NAV2: variants seen among roughly 807,000 people sequenced by gnomAD.
NAV2 encodes helicase, APC down-regulated 1.
A neutral mutation model predicts 223.2 loss-of-function variants in NAV2; 54 were observed. The ratio of observed to expected loss-of-function variants is 0.24; its 90% CI spans 0.19 to 0.30. The LOEUF (loss-of-function observed/expected upper bound fraction) is 0.30. NAV2 is among the 10% of genes least tolerant of loss of function. The pLI is 1.00. For synonymous variants in NAV2, 1,279 were observed against 1,239.3 expected, an observed-to-expected ratio of 1.03 and a Z score of -0.67; for missense variants, 2,806 against 3,147.5, an observed-to-expected ratio of 0.89 and a Z score of 2.60.
intron 33 of NAV2, 42 bp from the exon 34 acceptor site, chr11:20,103,611 G>A: frequency 1.9e-6 from 3 of 1,602,242 alleles, no homozygotes; most frequent in Non-Finnish European, 2.6e-6. Context: ...TCTCTAGCTT[G>A]GCTTGGAATC....
intron 1 of NAV2, among the ~76,000 whole-genome samples, chr11:19,582,879 T>A (rs943090778): frequency 1.3e-5 from 2 of 152,226 alleles, no homozygotes; most frequent in African/African-American, 4.8e-5. Flanking sequence ...TGGTTCCATA[T>A]GAACTTTAAA....
chr11:19,678,362 C>T (rs1232549563), intron 1 of NAV2, among the ~76,000 whole-genome samples: 1 of 152,134 alleles, frequency 6.6e-6, no homozygotes, highest in Non-Finnish European at 1.5e-5. Context: ...AGTGGTGGGA[C>T]CAGAATAGGA....
chr11:19,924,044 T>G (rs1346894154), intron 6 of NAV2, among the ~76,000 whole-genome samples: 2 of 152,124 alleles, frequency 1.3e-5, no homozygotes, highest in African/African-American at 4.8e-5. Context: ...ATTTTTAAAA[T>G]TTGTGTAGAA....
At chr11:20,016,590 A>G (rs4757024) in intron 11 of NAV2, among the ~76,000 whole-genome samples, 123,320 of 152,176 alleles carry the variant, frequency 0.81, 50,397 homozygotes, top group East Asian at 0.9. Context: ...ATTGGAGCAC[A>G]GTATCACCAC....
At chr11:19,752,088 T>C (rs1057134332) in intron 1 of NAV2, among the ~76,000 whole-genome samples, 4 of 152,158 alleles carry the variant, frequency 2.6e-5, no homozygotes, top group African/African-American at 9.7e-5. Flanking sequence ...TGCAGACAGA[T>C]AATAGATCAA....
intron 8 of NAV2, among the ~76,000 whole-genome samples, chr11:19,940,169 A>G (rs1019526369): frequency 1.3e-5 from 2 of 152,170 alleles, no homozygotes; most frequent in African/African-American, 4.8e-5. Context: ...TCGTTCCTGT[A>G]TGGAAGCACT....
intron 4 of NAV2, among the ~76,000 whole-genome samples, chr11:19,874,720 A>G (rs1434399386): frequency 6.6e-6 from 1 of 152,248 alleles, no homozygotes; most frequent in East Asian, 1.9e-4. Context: ...AGTTTTTGTA[A>G]TCTGAAAAGA....
chr11:19,599,375 C>T (rs1418659886), intron 1 of NAV2, among the ~76,000 whole-genome samples: 1 of 152,174 alleles, frequency 6.6e-6, no homozygotes, highest in Non-Finnish European at 1.5e-5. Context: ...ATCCGGCCAA[C>T]CTGCGAGGTT....
At chr11:19,929,123 C>T (rs2045075118) in intron 6 of NAV2, among the ~76,000 whole-genome samples, 1 of 152,006 alleles carries the variant, frequency 6.6e-6, no homozygotes, top group African/African-American at 2.4e-5. Context: ...CAAAAATTAG[C>T]CAGGTGTTGG....
chr11:19,714,017 T>G (rs551721215), intron 1 of NAV2, 55 bp downstream of exon 1: 1 of 1,592,788 alleles, frequency 6.3e-7, no homozygotes, highest in South Asian at 1.1e-5. Context: ...GAATAGTTCT[T>G]TCGGGATGGT....
rs74670988 is a variant in NAV2, at chr11:19,983,476, C to T, written c.2646-649C>T. On this transcript the variant is annotated intron_variant, in intron 10 of 37. Coordinates refer to ENST00000349880, the MANE Select transcript of NAV2 (RefSeq NM_145117.5). ...CTCATGATCGTGACAACCGTAATGT[C>T]TTCCACTTATATAGCCTTACACAAA... 7.4e-3 allele frequency among the ~76,000 whole-genome samples: 1,129 copies of T among 152,304 alleles called. 12 individuals carry two copies. The highest frequency in any genetic ancestry group is 0.026 in the African/African-American group (1,068 of 41,572).
chr11:20,077,527 A>G (rs1653213631), intron 22 of NAV2, 25 bp from the exon 23 acceptor site: 1 of 1,573,894 alleles, frequency 6.4e-7, no homozygotes, highest in Non-Finnish European at 8.7e-7. Flanking sequence ...AGGTAATATA[A>G]CTGAGGTTGT....
At chr11:20,067,551 C>T (rs1003767357) in intron 20 of NAV2, among the ~76,000 whole-genome samples, 1 of 151,956 alleles carries the variant, frequency 6.6e-6, no homozygotes, top group Admixed American at 6.5e-5. Flanking sequence ...GATCTCAGCT[C>T]ACTGCAATCT....
intron 3 of NAV2, among the ~76,000 whole-genome samples, chr11:19,859,669 C>T (rs983431929): frequency 3.0e-4 from 46 of 152,158 alleles, no homozygotes; most frequent in African/African-American, 9.9e-4. Flanking sequence ...ACCTCCCAGA[C>T]GGGGTGGTGG....
chr11:19,499,235 G>A (rs1222488149), intron 1 of NAV2, among the ~76,000 whole-genome samples: 2 of 152,178 alleles, frequency 1.3e-5, no homozygotes, highest in Non-Finnish European at 2.9e-5. Context: ...CTCTTTGAAG[G>A]TACTATAAAT....
chr11:19,531,860 A>C (rs2044036191), intron 1 of NAV2, among the ~76,000 whole-genome samples: 1 of 152,204 alleles, frequency 6.6e-6, no homozygotes, highest in South Asian at 2.1e-4. Flanking sequence ...GCTAGGATAC[A>C]CTGCAACTTC....
chr11:19,567,333 C>T (rs1378160066), intron 1 of NAV2, among the ~76,000 whole-genome samples: 2 of 152,110 alleles, frequency 1.3e-5, no homozygotes, highest in Admixed American at 1.3e-4. Context: ...AGTGGTGATC[C>T]CAGGGGACAA....
rs368670753 is a variant in NAV2, at chr11:19,632,415, C to T, written c.76-200069C>T. On this transcript the variant is annotated intron_variant, in intron 1 of 37. Coordinates refer to the NAV2 transcript ENST00000360655. ...CCAAATGAAATAATGTTCATGTCTG[C>T]GCTTTGCAAACTGAAAGTGTTGTCT... Among the ~76,000 whole-genome samples, 12 of 152,136 alleles carry T rather than the reference C, an allele frequency of 7.9e-5. 1 individual carries two copies. Among genetic ancestry groups the T allele is most frequent in the African/African-American group, 1.4e-4 (6 of 41,492 alleles).
intron 1 of NAV2, among the ~76,000 whole-genome samples, chr11:19,512,466 G>A (rs1264693313): frequency 6.6e-6 from 1 of 152,170 alleles, no homozygotes; most frequent in Admixed American, 6.5e-5. Flanking sequence ...AACCAGAGAG[G>A]GAGGCTAGAT....
Sources: allele counts gnomAD v4.1 joint callset (sites outside exome capture counted in the v4.1 genomes callset), GRCh38; gene constraint gnomAD v4.1.1; transcripts MANE v1.5; gene names NCBI Gene and HGNC (gene_info 2026-07-23, HGNC 2026-07-21).